GRIN3A: variants seen among roughly 807,000 people sequenced by gnomAD.
GRIN3A encodes the protein glutamate ionotropic receptor NMDA type subunit 3A, also known as glutamate receptor ionotropic, NMDA 3A.
A neutral mutation model predicts 92.4 loss-of-function variants in GRIN3A; 47 were observed. The observed-to-expected ratio is 0.51, with a 90% CI of 0.40 to 0.65. The LOEUF (loss-of-function observed/expected upper bound fraction) is 0.65, where lower values mean the gene tolerates loss of function less well. Among genes scored for constraint, GRIN3A ranks in the 30% least tolerant of loss-of-function variants. GRIN3A has a pLI of 0.00. For synonymous variants in GRIN3A, 527 were observed against 540.6 expected (o/e 0.97, Z 0.35); for missense variants, 1,324 against 1,393.1 (o/e 0.95, Z 0.79).
chr9:101,630,678 G>A (rs964736546), intron 3 of GRIN3A, among the ~76,000 whole-genome samples: 3 of 152,094 alleles, frequency 2.0e-5, no homozygotes, highest in Non-Finnish European at 4.4e-5. Context: ...GGTAAGCTAA[G>A]GGCTTTTAAA....
Position 101,659,567 on chromosome 9 carries a change from T to C in GRIN3A, c.2352+10493A>G, listed in dbSNP as rs1309045848. 1.4e-5 allele frequency among the ~76,000 whole-genome samples: 2 copies of C among 147,952 alleles called. 1 individual carries two copies. Among genetic ancestry groups the C allele is most frequent in the Non-Finnish European group, 3.0e-5 (2 of 67,028 alleles). Reference sequence around the variant, plus strand: ...TATTTATTTATACATAGAAAGTATCTATGTATTTATTTATACATAGAAAGT... The same window carrying C: ...TATTTATTTATACATAGAAAGTATCCATGTATTTATTTATACATAGAAAGT... On this transcript the variant is annotated intron_variant, in intron 3 of 8. Transcript: ENST00000361820.
chr9:101,579,604 A>C (rs1270758108), intron 6 of GRIN3A, among the ~76,000 whole-genome samples: 1 of 149,818 alleles, frequency 6.7e-6, no homozygotes, highest in East Asian at 2.0e-4. Flanking sequence ...ATAAAATTAA[A>C]AGCTCTCCAA....
Position 101,570,571 on chromosome 9 carries a change from T to C in GRIN3A, c.*2603A>G, listed in dbSNP as rs889126659. On this transcript the variant is annotated 3_prime_UTR_variant, in exon 9 of 9. Transcript: ENST00000361820. The stretch of plus-strand genomic sequence containing the variant: ...CAGAACATAGAGGCATTTCAAGCAA[T>C]GTTGATGGCAGTAAGCCTGCTGTCA... 2.0e-5 allele frequency: 3 copies of C among 152,750 alleles called. No individual in the cohort carries two copies. The East Asian group carries it at 5.8e-4, about 30-fold the overall frequency. The allele number at this position is 152,750 out of a possible 1,614,324, so 9.5% of individuals were successfully genotyped here. A position where few individuals can be genotyped will look rare whatever the true frequency, so the allele number is the denominator to read the frequency against.
chr9:101,715,993 C>A (rs151019183), intron 1 of GRIN3A, among the ~76,000 whole-genome samples: 25 of 152,206 alleles, frequency 1.6e-4, no homozygotes, highest in African/African-American at 6.0e-4. Context: ...AAAATGAAAG[C>A]AATCTTTCTA....
intron 3 of GRIN3A, among the ~76,000 whole-genome samples, chr9:101,633,889 G>A (rs1230478649): frequency 6.6e-6 from 1 of 152,122 alleles, no homozygotes; most frequent in Non-Finnish European, 1.5e-5. Context: ...CTAGGTGGAA[G>A]CTTAAGACTC....
chr9:101,631,728 T>C (rs1183447196), intron 3 of GRIN3A, among the ~76,000 whole-genome samples: 2 of 152,188 alleles, frequency 1.3e-5, no homozygotes, highest in East Asian at 3.8e-4. Context: ...GTTCTGAGAA[T>C]TGAAAGTTCC....
chr9:101,651,388 T>C (rs12380816), intron 3 of GRIN3A, among the ~76,000 whole-genome samples: 30,427 of 151,942 alleles, frequency 0.2, 3,320 homozygotes, highest in Non-Finnish European at 0.25. Flanking sequence ...TGATATGATG[T>C]GATAGAAAGT....
At chr9:101,577,325 A>T (rs2118781678) in intron 8 of GRIN3A, among the ~76,000 whole-genome samples, 1 of 152,052 alleles carries the variant, frequency 6.6e-6, no homozygotes, top group South Asian at 2.1e-4. Flanking sequence ...TAATTCTTAC[A>T]TGTATTTTGT....
chr9:101,584,477 C>T (rs1564118896), intron 6 of GRIN3A, among the ~76,000 whole-genome samples: 2 of 152,136 alleles, frequency 1.3e-5, no homozygotes, highest in Admixed American at 6.6e-5. Flanking sequence ...GTTTTAAATG[C>T]TTTATGTTAT....
chr9:101,650,922 C>T (rs571582029), intron 3 of GRIN3A, among the ~76,000 whole-genome samples: 1 of 151,998 alleles, frequency 6.6e-6, no homozygotes, highest in Non-Finnish European at 1.5e-5. Flanking sequence ...CTTCTCTGAT[C>T]TTCCCAAGAA....
intron 3 of GRIN3A, among the ~76,000 whole-genome samples, chr9:101,660,309 C>G (rs75871057): frequency 0.073 from 11,150 of 151,846 alleles, 545 homozygotes; most frequent in East Asian, 0.22. Flanking sequence ...AAAATACATA[C>G]AATAATTATA....
chr9:101,722,522 ACACT>A (rs1347610703), intron 1 of GRIN3A, among the ~76,000 whole-genome samples: 1 of 152,182 alleles, frequency 6.6e-6, no homozygotes, highest in Non-Finnish European at 1.5e-5. Context: ...AAAGCCGCAA[ACACT>A]CAACGCCAGC....
At chr9:101,594,867 C>T (rs1472868875) in intron 6 of GRIN3A, 1 of 1,603,170 alleles carries the variant, frequency 6.2e-7, no homozygotes, top group South Asian at 1.1e-5. Context: ...CTTTTAATTT[C>T]ATCATTGTCA....
At chr9:101,649,217 G>A (rs576765356) in intron 3 of GRIN3A, among the ~76,000 whole-genome samples, 17 of 152,134 alleles carry the variant, frequency 1.1e-4, no homozygotes, top group Non-Finnish European at 2.2e-4. Context: ...CAGGCCAGGA[G>A]AGTTCTCCAT....
chr9:101,634,075 T>C (rs1828747992), intron 3 of GRIN3A, among the ~76,000 whole-genome samples: 1 of 152,040 alleles, frequency 6.6e-6, no homozygotes, highest in African/African-American at 2.4e-5. Flanking sequence ...GGTTTACGCC[T>C]GTAATCCCAG....
At chr9:101,610,235 A>T (rs764552765) in intron 6 of GRIN3A, among the ~76,000 whole-genome samples, 38 of 152,240 alleles carry the variant, frequency 2.5e-4, no homozygotes, top group Non-Finnish European at 1.2e-4. Context: ...ACAGGGTCAT[A>T]GTGAGAACTA....
intron 3 of GRIN3A, among the ~76,000 whole-genome samples, chr9:101,640,905 C>T (rs917573260): frequency 6.6e-6 from 1 of 152,104 alleles, no homozygotes; most frequent in South Asian, 2.1e-4. Context: ...TCTTTCCAGT[C>T]TCGGTATGTC....
At chr9:101,654,472 A>T (rs1200783411) in intron 3 of GRIN3A, among the ~76,000 whole-genome samples, 1 of 151,582 alleles carries the variant, frequency 6.6e-6, no homozygotes, top group Non-Finnish European at 1.5e-5. Context: ...TTACATACAT[A>T]TTTCTTGTTG....
intron 1 of GRIN3A, among the ~76,000 whole-genome samples, chr9:101,718,441 T>A (rs1212865869): frequency 6.6e-6 from 1 of 152,164 alleles, no homozygotes; most frequent in Non-Finnish European, 1.5e-5. Flanking sequence ...GGAATAGTAT[T>A]CCACATTTAG....
Sources: allele counts gnomAD v4.1 joint callset (sites outside exome capture counted in the v4.1 genomes callset), GRCh38; gene constraint gnomAD v4.1.1; transcripts MANE v1.5; gene names NCBI Gene and HGNC (gene_info 2026-07-23, HGNC 2026-07-21).